CLSTN2: variants seen among roughly 807,000 people sequenced by gnomAD.
The protein encoded by CLSTN2 is calsyntenin 2.
CLSTN2 carries 48 observed loss-of-function variants against 101.2 expected under a neutral mutation model. That is an observed-to-expected ratio of 0.47 (90% CI 0.38 to 0.60). The LOEUF is 0.60. Among genes scored for constraint, CLSTN2 ranks in the 20% least tolerant of loss-of-function variants. The probability of loss-of-function intolerance (pLI) is 0.00; values close to 1 mark genes in which losing one functional copy is unlikely to be tolerated. For missense variants in CLSTN2, 1,160 were observed against 1,238.2 expected, an observed-to-expected ratio of 0.94 and a Z score of 0.95; for synonymous variants, 481 against 463.6, an observed-to-expected ratio of 1.04 and a Z score of -0.48.
rs142520936 is a variant in CLSTN2, at chr3:140,389,230, A to C, written c.233-14399A>C. ...CCATGGTGGTTTGCTGTATCTATCA[A>C]CCTATCACCCAGGTATTAAGCCCCA... On this transcript the variant is annotated intron_variant, in intron 2 of 16. Transcript: ENST00000458420. 2.7e-3 allele frequency among the ~76,000 whole-genome samples: 415 copies of C among 152,292 alleles called. 3 individuals are homozygous for C. The highest frequency in any genetic ancestry group is 9.6e-3 in the African/African-American group (398 of 41,566).
At position 140,529,362 on chromosome 3, in the gene CLSTN2, T is replaced by TGGGGG. The variant is rs1559895412; in HGVS notation, c.1345-2961_1345-2957dup. Reference sequence around the variant, plus strand: ...CTAGGCAAGGCCTCAGGCATCATTCTGGGGGATGGTGTCAGACATTCTTGG... The same window carrying TGGGGG: ...CTAGGCAAGGCCTCAGGCATCATTCTGGGGGGGGGGATGGTGTCAGACATTCTTGG... On this transcript the variant is annotated intron_variant, in intron 8 of 16. Transcript: ENST00000458420. Among the ~76,000 whole-genome samples the TGGGGG allele has an allele frequency of 4.6e-5, 7 of 152,366 alleles. No individual in the cohort carries two copies. In the South Asian group the frequency reaches 1.4e-3, roughly 32 times the overall value.
chr3:140,003,922 G>A (rs74830843), intron 1 of CLSTN2, among the ~76,000 whole-genome samples: 2,038 of 152,014 alleles, frequency 0.013, 42 homozygotes, highest in African/African-American at 0.046. Flanking sequence ...CCATTTCTAC[G>A]ATCTTTATTT....
intron 2 of CLSTN2, among the ~76,000 whole-genome samples, chr3:140,288,895 C>T (rs535550821): frequency 6.6e-6 from 1 of 152,296 alleles, no homozygotes; most frequent in East Asian, 1.9e-4. Flanking sequence ...ACCCTTCATA[C>T]CCACCTCCCA....
chr3:140,485,186 C>G (rs556309348), intron 8 of CLSTN2, among the ~76,000 whole-genome samples: 1 of 152,352 alleles, frequency 6.6e-6, no homozygotes, highest in South Asian at 2.1e-4. Flanking sequence ...TGAGGACCCT[C>G]AGCCACAGGT....
chr3:140,244,844 C>G (rs372961021), intron 2 of CLSTN2, among the ~76,000 whole-genome samples: 3 of 152,310 alleles, frequency 2.0e-5, no homozygotes, highest in South Asian at 2.1e-4. Flanking sequence ...AACACTCCAG[C>G]AAAATGTTAA....
At chr3:140,254,303 G>A in intron 2 of CLSTN2, among the ~76,000 whole-genome samples, 1 of 152,126 alleles carries the variant, frequency 6.6e-6, no homozygotes, top group East Asian at 1.9e-4. Context: ...TTTTAGGAGA[G>A]TTTCCCAAAC....
intron 2 of CLSTN2, among the ~76,000 whole-genome samples, chr3:140,354,965 T>G (rs2087652931): frequency 6.6e-6 from 1 of 152,168 alleles, no homozygotes; most frequent in South Asian, 2.1e-4. Context: ...TCAAACACCT[T>G]CATTTGCTCC....
At chr3:140,549,332 G>T (rs1230037373) in intron 10 of CLSTN2, among the ~76,000 whole-genome samples, 4 of 151,208 alleles carry the variant, frequency 2.6e-5, no homozygotes, top group Admixed American at 6.6e-5. Context: ...AAAAGAGGAG[G>T]TGCTAAAATA....
At chr3:140,206,045 A>C (rs775918476) in intron 2 of CLSTN2, among the ~76,000 whole-genome samples, 6 of 152,242 alleles carry the variant, frequency 3.9e-5, no homozygotes, top group Non-Finnish European at 8.8e-5. Flanking sequence ...GAATCCACTC[A>C]TTAAAAAAAG....
chr3:140,461,829 TTGG>T (rs1933570645), intron 7 of CLSTN2, among the ~76,000 whole-genome samples: 3 of 152,048 alleles, frequency 2.0e-5, no homozygotes, highest in Non-Finnish European at 4.4e-5. Context: ...AGTGTTCAGC[TTGG>T]GCCCTTATGT....
intron 1 of CLSTN2, among the ~76,000 whole-genome samples, chr3:139,997,645 T>C (rs896097570): frequency 2.0e-5 from 3 of 152,212 alleles, no homozygotes; most frequent in Non-Finnish European, 4.4e-5. Context: ...TTGTATCTGG[T>C]AGGGCAAATT....
chr3:140,334,259 C>G (rs972432937), intron 2 of CLSTN2, among the ~76,000 whole-genome samples: 1 of 152,174 alleles, frequency 6.6e-6, no homozygotes, highest in Admixed American at 6.5e-5. Flanking sequence ...GCTTATCATC[C>G]ATTACAGAAA....
chr3:140,389,189 CATAGGT>C (rs1430074158), intron 2 of CLSTN2, among the ~76,000 whole-genome samples: 1 of 152,126 alleles, frequency 6.6e-6, no homozygotes, highest in African/African-American at 2.4e-5. Flanking sequence ...AAGTTTGTTA[CATAGGT>C]AAACATGTGC....
intron 2 of CLSTN2, among the ~76,000 whole-genome samples, chr3:140,221,079 T>G (rs1277725534): frequency 2.6e-5 from 4 of 152,232 alleles, no homozygotes; most frequent in Non-Finnish European, 5.9e-5. Context: ...CTGGTTATTA[T>G]TTTTTAGTCA....
chr3:140,227,471 T>G (rs932577197), intron 2 of CLSTN2, among the ~76,000 whole-genome samples: 3 of 152,214 alleles, frequency 2.0e-5, no homozygotes, highest in Non-Finnish European at 4.4e-5. Flanking sequence ...CCTCATGGGC[T>G]GGCATTGAGT....
At chr3:140,211,995 C>T (rs1176102496) in intron 2 of CLSTN2, among the ~76,000 whole-genome samples, 1 of 152,122 alleles carries the variant, frequency 6.6e-6, no homozygotes, top group Non-Finnish European at 1.5e-5. Flanking sequence ...TTCCCTGCAC[C>T]ATCCATATTT....
chr3:139,949,750 A>G (rs1424096053), intron 1 of CLSTN2, among the ~76,000 whole-genome samples: 1 of 152,212 alleles, frequency 6.6e-6, no homozygotes, highest in African/African-American at 2.4e-5. Context: ...TCACGCACTG[A>G]TGAGAATTTG....
chr3:140,537,226 T>G (rs2107782077), intron 9 of CLSTN2, among the ~76,000 whole-genome samples: 1 of 152,288 alleles, frequency 6.6e-6, no homozygotes, highest in East Asian at 1.9e-4. Flanking sequence ...TAGAAAATGG[T>G]TTGATAGCAG....
intron 2 of CLSTN2, among the ~76,000 whole-genome samples, chr3:140,286,296 G>A (rs1309431862): frequency 1.3e-5 from 2 of 152,154 alleles, no homozygotes; most frequent in Non-Finnish European, 1.5e-5. Flanking sequence ...TAGGTGTGGT[G>A]TTTTCAAGGA....
Sources: gnomAD v4.1 joint callset for allele counts (sites outside exome capture counted in the v4.1 genomes callset) on GRCh38, gnomAD v4.1.1 for gene constraint, MANE v1.5 for transcripts, NCBI Gene and HGNC (gene_info 2026-07-23, HGNC 2026-07-21) for gene names.